ACTG2: variants seen among roughly 807,000 people sequenced by gnomAD.
ACTG2 encodes actin, gamma-enteric smooth muscle.
ACTG2 carries 16 observed loss-of-function variants against 37.6 expected under a neutral mutation model. The ratio of observed to expected loss-of-function variants is 0.43; its 90% CI spans 0.29 to 0.65. The LOEUF (loss-of-function observed/expected upper bound fraction) is 0.65, where lower values mean the gene tolerates loss of function less well. ACTG2 is among the 30% of genes least tolerant of loss of function. The pLI is 0.18. For missense variants in ACTG2, 238 were observed against 490.9 expected, an observed-to-expected ratio of 0.48 and a Z score of 4.87; for synonymous variants, 181 against 179.9, an observed-to-expected ratio of 1.01 and a Z score of -0.05.
At chr2:73,906,528 C>T (rs1009856175) in intron 3 of ACTG2, among the ~76,000 whole-genome samples, 22 of 151,962 alleles carry the variant, frequency 1.4e-4, no homozygotes, top group African/African-American at 5.3e-4. Context: ...TCGCCCAGGC[C>T]GGAGTGCAGT....
At chr2:73,897,877 A>T (rs955789335) in intron 1 of ACTG2, among the ~76,000 whole-genome samples, 4 of 152,162 alleles carry the variant, frequency 2.6e-5, no homozygotes, top group African/African-American at 4.8e-5. Context: ...GCCCTTTTAT[A>T]AAAAAACCCA....
At chr2:73,902,077 A>T (rs1440063823) in intron 2 of ACTG2, among the ~76,000 whole-genome samples, 6 of 112,852 alleles carry the variant, frequency 5.3e-5, no homozygotes, top group African/African-American at 1.9e-4. Context: ...GTGTAGTAGG[A>T]TGAGGGGAAG....
intron 8 of ACTG2, 124 bp from the exon 9 acceptor site, chr2:73,919,308 C>T (rs2104827611): frequency 5.2e-6 from 6 of 1,155,604 alleles, no homozygotes; most frequent in Non-Finnish European, 7.4e-6. Flanking sequence ...TCTAATCTAT[C>T]ACAATGTTTC....
At chr2:73,901,157 C>G (rs946165069) in intron 1 of ACTG2, 119 bp from the exon 2 acceptor site, 1 of 803,730 alleles carries the variant, frequency 1.2e-6, no homozygotes, top group Admixed American at 3.8e-5. Flanking sequence ...CAAGCCCATG[C>G]CTGTCCCTCC....
chr2:73,893,735 G>A (rs772325847), intron 1 of ACTG2, among the ~76,000 whole-genome samples: 6 of 152,234 alleles, frequency 3.9e-5, no homozygotes, highest in Admixed American at 1.3e-4. Flanking sequence ...GCCTAGAGAC[G>A]TACAGCCACT....
At chr2:73,912,395 G>T (rs1389317347) in intron 5 of ACTG2, among the ~76,000 whole-genome samples, 1 of 152,178 alleles carries the variant, frequency 6.6e-6, no homozygotes, top group Non-Finnish European at 1.5e-5. Flanking sequence ...GACCTCAAGT[G>T]ATCTGCCCCC....
Position 73,919,752 on chromosome 2 carries a change from G to A in ACTG2, c.*177G>A. 1 of 614,560 alleles carries A rather than the reference G, an allele frequency of 1.6e-6. No individual in the cohort carries two copies. The highest frequency in any genetic ancestry group is 2.6e-6 in the Non-Finnish European group (1 of 381,896). The allele number at this position is 614,560 out of a possible 1,614,324, so 38.1% of individuals were successfully genotyped here. ...TTAATCCATGCAATAGTGCTGTAAG[G>A]TAGGTGCTATCATTATACCCATATT... On this transcript the variant is annotated 3_prime_UTR_variant, in exon 9 of 9. Transcript: ENST00000345517.
At chr2:73,896,987 T>TC (rs1679760442) in intron 1 of ACTG2, 1 of 152,172 alleles carries the variant, frequency 6.6e-6, no homozygotes, top group Non-Finnish European at 1.5e-5. Context: ...GGTCCACGAG[T>TC]CTGGCTCCAG....
chr2:73,913,166 T>C (rs1179920095), intron 5 of ACTG2, among the ~76,000 whole-genome samples: 1 of 28,838 alleles, frequency 3.5e-5, no homozygotes, highest in African/African-American at 8.9e-5. Flanking sequence ...CAAAACTCTG[T>C]CTCCAAAAAA....
chr2:73,915,540 G>A (rs896239255), intron 7 of ACTG2, among the ~76,000 whole-genome samples: 1 of 142,312 alleles, frequency 7.0e-6, no homozygotes, highest in Non-Finnish European at 1.6e-5. Flanking sequence ...AAAAAAAAGA[G>A]TAGAGGTAAG....
intron 1 of ACTG2, among the ~76,000 whole-genome samples, chr2:73,894,323 A>G (rs1011221751): frequency 6.6e-6 from 1 of 152,142 alleles, no homozygotes; most frequent in African/African-American, 2.4e-5. Context: ...TTGGACTCTG[A>G]TACTAACCCT....
At chr2:73,902,018 CGTGTGTGTGT>C (rs71245662) in intron 2 of ACTG2, among the ~76,000 whole-genome samples, 2 of 146,342 alleles carry the variant, frequency 1.4e-5, no homozygotes, top group Non-Finnish European at 3.0e-5. Context: ...GCATACAAGT[CGTGTGTGTGT>C]GTGTGTGTGT....
chr2:73,901,621 CGTGT>C, intron 2 of ACTG2, 184 bp downstream of exon 2: 1 of 1,036,718 alleles, frequency 9.6e-7, no homozygotes, highest in Non-Finnish European at 1.3e-6. Flanking sequence ...CATGCACATG[CGTGT>C]GTGCACGCCA....
intron 2 of ACTG2, among the ~76,000 whole-genome samples, chr2:73,902,007 T>G (rs1490488942): frequency 7.3e-6 from 1 of 137,780 alleles, no homozygotes; most frequent in Non-Finnish European, 1.6e-5. Flanking sequence ...TTGAGGAGGA[T>G]GCATACAAGT....
At chr2:73,898,239 G>A (rs1679792409) in intron 1 of ACTG2, among the ~76,000 whole-genome samples, 1 of 148,574 alleles carries the variant, frequency 6.7e-6, no homozygotes, top group Non-Finnish European at 1.5e-5. Flanking sequence ...AGTGTCCTCG[G>A]TGGGTGCCAG....
At chr2:73,894,564 G>T (rs72814195) in intron 1 of ACTG2, among the ~76,000 whole-genome samples, 2,011 of 152,248 alleles carry the variant, frequency 0.013, 25 homozygotes, top group Middle Eastern at 0.031. Flanking sequence ...CAGTGGAGAG[G>T]CTTCTGCAGT....
Position 73,909,088 on chromosome 2 carries a change from TA to T in ACTG2, c.401del (p.Tyr134SerfsTer58). 6.2e-7 allele frequency: 1 copy of T among 1,614,212 alleles called. No homozygotes were observed. The highest frequency in any genetic ancestry group is 8.5e-7 in the Non-Finnish European group (1 of 1,180,022). On this transcript the variant is annotated frameshift_variant, in exon 5 of 9. Coordinates refer to ENST00000345517, the MANE Select transcript of ACTG2 (RefSeq NM_001615.4). LOFTEE classifies it high-confidence loss of function. Reference protein sequence around the residue: ...MFETFNVPAMYVAIQAVLSLY... With the variant: ...MFETFNVPAMXVAIQAVLSLY... ...TGAAACCTTCAATGTCCCTGCCATG[TA>T]CGTCGCCATTCAAGCTGTGCTCTCC... is the stretch of plus-strand genomic sequence containing the variant.
In ACTG2 at chr2:73,909,146, A is replaced by G. The variant is rs1320256184; in HGVS notation, c.451+7A>G. ...GCCTCTGGCCGCACGACAGGTGAGT[A>G]ATCCTGTAATCCATTCCTTTTCTGA... On this transcript the variant is annotated splice_region_variant and intron_variant, in intron 5 of 8. Coordinates refer to ENST00000345517, the MANE Select transcript of ACTG2 (RefSeq NM_001615.4). 1 of 1,605,998 alleles carries G rather than the reference A, an allele frequency of 6.2e-7. No homozygotes were observed. The highest frequency in any genetic ancestry group is 8.5e-7 in the Non-Finnish European group (1 of 1,172,678).
rs1297650498 is a variant in ACTG2, at chr2:73,908,699, G to A, written c.282G>A (p.Glu94=). The A allele has an allele frequency of 6.2e-7, 1 of 1,611,628 alleles. No homozygotes were observed. Among genetic ancestry groups the A allele is most frequent in the Non-Finnish European group, 8.5e-7 (1 of 1,178,964 alleles). ...EKIWHHSFYN[E]LRVAPEEHPT... is the part of the protein sequence containing the mutation. ...TCTGGCACCACTCCTTCTACAATGA[G>A]CTGCGTGTAGCACCTGAAGAGCACC... is the stretch of plus-strand genomic sequence containing the variant. Residue 94 remains glutamate (E), a synonymous_variant, in exon 4 of 9, where the codon GAG becomes GAA. Transcript: ENST00000345517.
Sources: allele counts gnomAD v4.1 joint callset (sites outside exome capture counted in the v4.1 genomes callset), GRCh38; gene constraint gnomAD v4.1.1; transcripts MANE v1.5; gene names NCBI Gene and HGNC (gene_info 2026-07-23, HGNC 2026-07-21).